Variants in NRCAM observed in about 807,000 individuals in gnomAD.
The protein encoded by NRCAM is NgCAM-related cell adhesion molecule.
Under a neutral mutation model 156.5 loss-of-function variants are expected in NRCAM, and 83 were observed. That is an observed-to-expected ratio of 0.53 (90% confidence interval 0.44 to 0.64). NRCAM has a LOEUF of 0.64. Ranked by LOEUF, NRCAM falls within the 30% of genes least tolerant of loss-of-function variation. The pLI is 0.00. For missense variants in NRCAM, 1,417 were observed against 1,597.3 expected, an observed-to-expected ratio of 0.89 and a Z score of 1.92; for synonymous variants, 538 against 563.9, an observed-to-expected ratio of 0.95 and a Z score of 0.65.
intron 3 of NRCAM, 83 bp from the exon 4 acceptor site, chr7:108,240,253 C>G (rs901940660): frequency 4.0e-6 from 2 of 494,196 alleles, no homozygotes; most frequent in Non-Finnish European, 7.3e-6. Flanking sequence ...GCACAGAGAA[C>G]TAGCCGTGTA....
chr7:108,196,829 A>G (rs2075393843), intron 14 of NRCAM, among the ~76,000 whole-genome samples: 1 of 152,196 alleles, frequency 6.6e-6, no homozygotes, highest in Non-Finnish European at 1.5e-5. Context: ...ATATGATCCA[A>G]CAATGCCATT....
intron 3 of NRCAM, among the ~76,000 whole-genome samples, chr7:108,272,048 A>G (rs1000186873): frequency 1.3e-5 from 2 of 152,240 alleles, no homozygotes; most frequent in African/African-American, 4.8e-5. Flanking sequence ...TTTTAACTGT[A>G]TGTAATGGAA....
chr7:108,455,290 G>C (rs902289850), intron 1 of NRCAM, among the ~76,000 whole-genome samples: 1 of 152,140 alleles, frequency 6.6e-6, no homozygotes, highest in Non-Finnish European at 1.5e-5. Context: ...GCGCCCACCC[G>C]CGCGGCGTGG....
Position 108,232,517 on chromosome 7 carries a change from G to A in NRCAM, c.236C>T (p.Ser79Phe), listed in dbSNP as rs1372452559. Reference protein sequence around the residue: ...EAKGKPPPSFSWTRNGTHFDI... With the variant: ...EAKGKPPPSFFWTRNGTHFDI... ...AAAATGAGTCCCATTACGGGTCCAG[G>A]AAAAGCTGCCCAACACACGAAGTGT... The change falls in exon 7 of 33, where the codon TCC (serine) becomes TTC (phenylalanine). Residue 79 changes from serine to phenylalanine, a missense_variant. Coordinates refer to ENST00000379028, the MANE Select transcript of NRCAM (RefSeq NM_001037132.4). 2.5e-6 allele frequency: 4 copies of A among 1,608,062 alleles called. No homozygotes were observed. In the South Asian group the frequency reaches 3.3e-5, roughly 13 times the overall value.
intron 6 of NRCAM, among the ~76,000 whole-genome samples, 188 bp from the exon 7 acceptor site, chr7:108,232,710 A>G (rs535458029): frequency 3.3e-5 from 5 of 152,300 alleles, no homozygotes; most frequent in Admixed American, 2.6e-4. Context: ...GGCAGGCTAT[A>G]CATTTTAAGG....
chr7:108,279,868 C>T (rs1395250069), intron 3 of NRCAM, among the ~76,000 whole-genome samples: 2 of 151,994 alleles, frequency 1.3e-5, no homozygotes, highest in Admixed American at 1.3e-4. Context: ...CCTGCAACAC[C>T]ATCTTTATGC....
intron 27 of NRCAM, among the ~76,000 whole-genome samples, chr7:108,175,604 G>A (rs2060190311): frequency 6.6e-6 from 1 of 151,878 alleles, no homozygotes; most frequent in Non-Finnish European, 1.5e-5. Flanking sequence ...ATTACTTAAG[G>A]TGCATTATTC....
Position 108,189,759 on chromosome 7 carries a change from C to G in NRCAM, c.1934-13G>C. ...GGATTTGGGACATCTGTAGACCAAA[C>G]ATACACACATCATGGTCACGCATCC... is the stretch of plus-strand genomic sequence containing the variant. On this transcript the variant is annotated splice_polypyrimidine_tract_variant and intron_variant, in intron 19 of 32. Transcript: ENST00000379028. 1 of 976,042 alleles carries G rather than the reference C, an allele frequency of 1.0e-6. No individual in the cohort carries two copies. Among genetic ancestry groups the G allele is most frequent in the Non-Finnish European group, 1.6e-6 (1 of 606,166 alleles). The allele number at this position is 976,042 out of a possible 1,614,324, so 60.5% of individuals were successfully genotyped here.
At chr7:108,310,236 C>G (rs1214685685) in intron 3 of NRCAM, among the ~76,000 whole-genome samples, 2 of 152,210 alleles carry the variant, frequency 1.3e-5, no homozygotes, top group Non-Finnish European at 2.9e-5. Flanking sequence ...TAGGACCAAA[C>G]TTACACGAAT....
chr7:108,377,470 G>GT (rs1401662015), intron 2 of NRCAM, among the ~76,000 whole-genome samples: 1 of 152,138 alleles, frequency 6.6e-6, no homozygotes, highest in Admixed American at 6.6e-5. Context: ...AGAGTGGATT[G>GT]TACCAGTAAG....
chr7:108,330,327 T>C (rs1169464380), intron 2 of NRCAM, among the ~76,000 whole-genome samples: 1 of 152,168 alleles, frequency 6.6e-6, no homozygotes, highest in East Asian at 1.9e-4. Context: ...CTACTTAAAA[T>C]GGTGCTTTAA....
intron 3 of NRCAM, among the ~76,000 whole-genome samples, chr7:108,300,949 A>G (rs1404731258): frequency 6.6e-6 from 1 of 152,156 alleles, no homozygotes; most frequent in African/African-American, 2.4e-5. Flanking sequence ...ATTACATTTC[A>G]TTGAATCAAA....
chr7:108,255,811 C>T (rs1562971879), intron 3 of NRCAM, among the ~76,000 whole-genome samples: 1 of 149,916 alleles, frequency 6.7e-6, no homozygotes, highest in Admixed American at 6.6e-5. Context: ...AGCGTCTCTG[C>T]CGGGCTGCCC....
intron 11 of NRCAM, among the ~76,000 whole-genome samples, chr7:108,219,123 T>C (rs2091073100): frequency 6.6e-6 from 1 of 152,098 alleles, no homozygotes; most frequent in Non-Finnish European, 1.5e-5. Flanking sequence ...GATGGATAAA[T>C]TCCTGGAAAA....
chr7:108,231,369 CTCAG>C (rs758638499), intron 7 of NRCAM, among the ~76,000 whole-genome samples: 11 of 152,140 alleles, frequency 7.2e-5, no homozygotes, highest in Admixed American at 6.5e-5. Context: ...AGTATAAATT[CTCAG>C]TCAGTGATTC....
intron 3 of NRCAM, among the ~76,000 whole-genome samples, chr7:108,245,949 G>A (rs2153834254): frequency 6.6e-6 from 1 of 152,186 alleles, no homozygotes; most frequent in Middle Eastern, 3.4e-3. Flanking sequence ...ATGAAGCATA[G>A]TTAATGAAAA....
At position 108,226,225 on chromosome 7, in the gene NRCAM, G is replaced by T. The variant is rs1186077603; in HGVS notation, c.704C>A (p.Ser235Tyr). ...TQTIQQKQPI[S>Y]VKVISVDELN... ...ACTCTTACCTGAAATCACCTTCACA[G>T]AAATAGGTTGCTTCTGCTGTATGGT... Residue 235 changes from serine to tyrosine, a missense_variant, in exon 9 of 33, where the codon TCT becomes TAT. By Grantham distance (144) the Ser-to-Tyr change is moderately radical. Transcript: ENST00000379028. 1 of 1,597,926 alleles carries T rather than the reference G, an allele frequency of 6.3e-7. No homozygotes were observed. The highest frequency in any genetic ancestry group is 1.3e-5 in the African/African-American group (1 of 74,398).
intron 2 of NRCAM, among the ~76,000 whole-genome samples, chr7:108,336,053 T>C (rs2099186123): frequency 6.6e-6 from 1 of 152,252 alleles, no homozygotes; most frequent in Admixed American, 6.5e-5. Context: ...CTGGTCTATA[T>C]AAATTGTTAG....
At chr7:108,343,516 A>T (rs2099317426) in intron 2 of NRCAM, among the ~76,000 whole-genome samples, 1 of 152,156 alleles carries the variant, frequency 6.6e-6, no homozygotes, top group African/African-American at 2.4e-5. Flanking sequence ...TCCATTAGAA[A>T]TGCTTATAGA....
Sources: gnomAD v4.1 joint callset for allele counts (sites outside exome capture counted in the v4.1 genomes callset) on GRCh38, gnomAD v4.1.1 for gene constraint, MANE v1.5 for transcripts, NCBI Gene and HGNC (gene_info 2026-07-23, HGNC 2026-07-21) for gene names.